GABRA4: variants seen among roughly 807,000 people sequenced by gnomAD.
The protein encoded by GABRA4 is gamma-aminobutyric acid receptor subunit alpha-4.
A neutral mutation model predicts 49.7 loss-of-function variants in GABRA4; 12 were observed. The observed-to-expected ratio is 0.24, with a 90% confidence interval of 0.15 to 0.39. The LOEUF is 0.39. Among genes scored for constraint, GABRA4 ranks in the 10% least tolerant of loss-of-function variants. GABRA4 has a pLI of 1.00. For synonymous variants in GABRA4, 288 were observed against 240.2 expected (o/e 1.20, Z -1.84); for missense variants, 506 against 686.0 (o/e 0.74, Z 2.93).
chr4:46,944,014 A>G (rs1030475981), intron 8 of GABRA4, among the ~76,000 whole-genome samples: 3 of 152,036 alleles, frequency 2.0e-5, no homozygotes, highest in Non-Finnish European at 4.4e-5. Context: ...TAAAGGGTAC[A>G]ATATTTCAGT....
intron 8 of GABRA4, among the ~76,000 whole-genome samples, chr4:46,950,475 A>G (rs1194173926): frequency 2.6e-5 from 4 of 152,024 alleles, no homozygotes; most frequent in Non-Finnish European, 1.5e-5. Flanking sequence ...AGGCAATTTT[A>G]TGTCAGAGCT....
intron 8 of GABRA4, 108 bp downstream of exon 8, chr4:46,964,862 A>G (rs1722696975): frequency 4.2e-6 from 5 of 1,176,738 alleles, no homozygotes; most frequent in Non-Finnish European, 6.0e-6. Context: ...TTTTTAAATG[A>G]CTTACAAGTT....
At chr4:46,949,976 G>T (rs1228444943) in intron 8 of GABRA4, among the ~76,000 whole-genome samples, 2 of 152,062 alleles carry the variant, frequency 1.3e-5, no homozygotes, top group Admixed American at 6.6e-5. Flanking sequence ...CATTGACCAT[G>T]ATCTATTTCA....
intron 3 of GABRA4, among the ~76,000 whole-genome samples, chr4:46,978,016 G>A (rs918927433): frequency 1.3e-5 from 2 of 151,966 alleles, no homozygotes; most frequent in African/African-American, 4.8e-5. Context: ...GTAATTGTAG[G>A]CATTTTAAAG....
chr4:46,975,661 T>C (rs1723116223), intron 5 of GABRA4, among the ~76,000 whole-genome samples: 1 of 151,966 alleles, frequency 6.6e-6, no homozygotes, highest in African/African-American at 2.4e-5. Flanking sequence ...ATACAAACCC[T>C]GATTGAACAC....
chr4:46,986,601 C>G (rs1307392356), intron 2 of GABRA4, among the ~76,000 whole-genome samples: 1 of 152,020 alleles, frequency 6.6e-6, no homozygotes, highest in Admixed American at 6.6e-5. Flanking sequence ...GTACCTCTTC[C>G]CTATCAAACT....
At chr4:46,952,882 T>C (rs1360684698) in intron 8 of GABRA4, among the ~76,000 whole-genome samples, 1 of 151,906 alleles carries the variant, frequency 6.6e-6, no homozygotes, top group African/African-American at 2.4e-5. Context: ...AAAAAAACCT[T>C]TTAATAACAA....
At chr4:46,954,550 G>C (rs10023110) in intron 8 of GABRA4, among the ~76,000 whole-genome samples, 2 of 144,486 alleles carry the variant, frequency 1.4e-5, no homozygotes, top group East Asian at 2.0e-4. Context: ...ATAGTGAAAC[G>C]CCATCCAAAA....
intron 8 of GABRA4, among the ~76,000 whole-genome samples, chr4:46,944,208 TG>T: frequency 6.6e-6 from 1 of 152,286 alleles, no homozygotes. Context: ...CAGTTCACCA[TG>T]TACATGTATG....
chr4:46,983,940 A>G (rs908085526), intron 2 of GABRA4, among the ~76,000 whole-genome samples: 30 of 152,228 alleles, frequency 2.0e-4, no homozygotes, highest in African/African-American at 7.0e-4. Flanking sequence ...TGGGAAAGAA[A>G]GAGCCAAGAC....
intron 5 of GABRA4, among the ~76,000 whole-genome samples, chr4:46,976,487 A>G (rs1178655593): frequency 4.0e-5 from 6 of 151,426 alleles, no homozygotes; most frequent in Non-Finnish European, 8.8e-5. Flanking sequence ...TGTGCTGTAT[A>G]AGGCATTATA....
At chr4:46,974,590 C>A (rs1377007637) in intron 5 of GABRA4, among the ~76,000 whole-genome samples, 2 of 151,844 alleles carry the variant, frequency 1.3e-5, no homozygotes, top group Non-Finnish European at 2.9e-5. Flanking sequence ...TGCAACTCAA[C>A]AGTATTTATT....
intron 7 of GABRA4, among the ~76,000 whole-genome samples, chr4:46,966,601 T>C (rs1428042386): frequency 6.6e-6 from 1 of 151,696 alleles, no homozygotes; most frequent in African/African-American, 2.4e-5. Context: ...TTATAATATG[T>C]CACATGGTGC....
chr4:46,991,079 T>A (rs11732239), intron 2 of GABRA4, among the ~76,000 whole-genome samples: 53 of 151,890 alleles, frequency 3.5e-4, no homozygotes, highest in African/African-American at 1.2e-3. Flanking sequence ...CCAGCTACTC[T>A]GGGGGCTGAG....
intron 7 of GABRA4, among the ~76,000 whole-genome samples, chr4:46,969,342 G>T (rs774743572): frequency 4.6e-4 from 70 of 151,490 alleles, no homozygotes; most frequent in Admixed American, 1.3e-3. Context: ...AATGAGGGTA[G>T]CTCCAGAAAT....
At chr4:46,938,443 C>A (rs956863486) in intron 8 of GABRA4, among the ~76,000 whole-genome samples, 6 of 152,160 alleles carry the variant, frequency 3.9e-5, no homozygotes, top group Admixed American at 2.6e-4. Context: ...GTCTTAAAAA[C>A]AATCATTTAT....
chr4:46,980,684 G>A lies in GABRA4; in HGVS notation c.206-1586C>T, dbSNP rs184657884. Reference sequence around the variant, plus strand: ...TAAATTTTTATTTGAATGAAAAATTGGAGACAACAACAGCAAAACATGATA... The same window carrying A: ...TAAATTTTTATTTGAATGAAAAATTAGAGACAACAACAGCAAAACATGATA... On this transcript the variant is annotated intron_variant, in intron 2 of 8. Transcript: ENST00000264318. Among the ~76,000 whole-genome samples the A allele has an allele frequency of 1.6e-4, 24 of 152,104 alleles. 1 individual carries two copies. The highest frequency in any genetic ancestry group is 5.5e-4 in the African/African-American group (23 of 41,532).
intron 8 of GABRA4, among the ~76,000 whole-genome samples, chr4:46,931,103 G>A (rs1721418005): frequency 6.6e-6 from 1 of 152,022 alleles, no homozygotes; most frequent in Admixed American, 6.6e-5. Context: ...AGTCCCCATT[G>A]AGTATTTTAC....
At chr4:46,940,467 A>C (rs1286055796) in intron 8 of GABRA4, among the ~76,000 whole-genome samples, 3 of 152,154 alleles carry the variant, frequency 2.0e-5, no homozygotes, top group Admixed American at 6.6e-5. Context: ...CTGTGTGTAC[A>C]CATGTATATG....
Sources: allele counts gnomAD v4.1 joint callset (sites outside exome capture counted in the v4.1 genomes callset), GRCh38; gene constraint gnomAD v4.1.1; transcripts MANE v1.5; gene names NCBI Gene and HGNC (gene_info 2026-07-23, HGNC 2026-07-21).